The following CFAP77 variants were observed in gnomAD, a reference collection of about 807,000 sequenced individuals.
CFAP77 encodes the protein cilia- and flagella-associated protein 77.
In CFAP77, 25 loss-of-function variants were observed where a neutral mutation model predicts 31.1. The ratio of observed to expected loss-of-function variants is 0.80; its 90% CI spans 0.59 to 1.12. The LOEUF is 1.12. CFAP77 is among the 50% of genes most tolerant of loss of function. CFAP77 has a pLI of 0.00. For missense variants in CFAP77, 377 were observed against 397.3 expected (o/e 0.95, Z 0.44); for synonymous variants, 151 against 159.9 (o/e 0.94, Z 0.42).
chr9:132,487,636 G>A (rs1188043065), intron 1 of CFAP77, among the ~76,000 whole-genome samples: 1 of 150,010 alleles, frequency 6.7e-6, no homozygotes, highest in East Asian at 2.0e-4. Flanking sequence ...TTTTGAATCC[G>A]GCTGTGGTTT....
intron 1 of CFAP77, among the ~76,000 whole-genome samples, chr9:132,429,689 AC>A (rs1359598221): frequency 1.5e-5 from 2 of 136,396 alleles, no homozygotes; most frequent in Admixed American, 7.3e-5. Context: ...CTAACAAAAT[AC>A]AAAAAAAAAA....
Position 132,495,579 on chromosome 9 carries a change from G to A in CFAP77, c.196-3116G>A, listed in dbSNP as rs144178794. On this transcript the variant is annotated intron_variant, in intron 1 of 5. Transcript: ENST00000393216. This position sits in a 1 kb window ranked among gnomAD's most constrained non-coding sequence, Gnocchi z 4.2. ...AACTCAGAGCCCCATCACTCTTGAG[G>A]AACATTGGGGTCTGGGATTTGAGAT... Among the ~76,000 whole-genome samples the A allele has an allele frequency of 5.3e-3, 804 of 152,270 alleles. 14 individuals are homozygous for A. Among genetic ancestry groups the A allele is most frequent in the African/African-American group, 0.018 (760 of 41,558 alleles).
intron 5 of CFAP77, among the ~76,000 whole-genome samples, chr9:132,546,604 A>G (rs1207030187): frequency 6.6e-6 from 1 of 152,078 alleles, no homozygotes; most frequent in African/African-American, 2.4e-5. Flanking sequence ...GGCTGCCGAG[A>G]CCCCCGCGCT....
chr9:132,449,007 C>T (rs1417977214), intron 1 of CFAP77, among the ~76,000 whole-genome samples: 1 of 152,132 alleles, frequency 6.6e-6, no homozygotes, highest in African/African-American at 2.4e-5. Context: ...ATGGGAAAAG[C>T]CCAACAACTG....
In CFAP77 at chr9:132,525,105, C is replaced by T. The variant is rs1309822072; in HGVS notation, c.525-12496C>T. Among the ~76,000 whole-genome samples, 9 of 148,988 alleles carry T rather than the reference C, an allele frequency of 6.0e-5. 3 individuals are homozygous for T. The highest frequency in any genetic ancestry group is 2.7e-4 in the Admixed American group (4 of 15,046). ...CACAATCTCAGCTCACTGCAACCTC[C>T]GCTTCCCGAGTTCAAGCGGTTCTCC... On this transcript the variant is annotated intron_variant, in intron 3 of 5. Coordinates refer to ENST00000393216, the MANE Select transcript of CFAP77 (RefSeq NM_001282957.2).
intron 3 of CFAP77, among the ~76,000 whole-genome samples, chr9:132,526,454 G>A (rs1342703432): frequency 5.3e-5 from 8 of 151,858 alleles, no homozygotes; most frequent in Admixed American, 3.9e-4. Context: ...GGATGGTCTC[G>A]ATCTCCTGAC....
intron 3 of CFAP77, among the ~76,000 whole-genome samples, chr9:132,508,028 C>A (rs1851964026): frequency 6.6e-6 from 1 of 152,174 alleles, no homozygotes; most frequent in Non-Finnish European, 1.5e-5. Flanking sequence ...CAGTTTCATC[C>A]ATCGCTGCAT....
At position 132,491,868 on chromosome 9, in the gene CFAP77, T is replaced by C. The variant is rs572631682; in HGVS notation, c.196-6827T>C. The stretch of plus-strand genomic sequence containing the variant: ...ATCTATTAGCTTATGGGAAAATTGG[T>C]TTTCTTATATGTTGTTTTGCTTAAA... On this transcript the variant is annotated intron_variant, in intron 1 of 5. Coordinates refer to ENST00000393216, the MANE Select transcript of CFAP77 (RefSeq NM_001282957.2). Among the ~76,000 whole-genome samples the C allele has an allele frequency of 2.6e-5, 4 of 152,282 alleles. No homozygotes were observed. In the South Asian group the frequency reaches 8.3e-4, roughly 32 times the overall value.
At chr9:132,566,673 T>A (rs1221364613) in intron 5 of CFAP77, among the ~76,000 whole-genome samples, 2 of 152,188 alleles carry the variant, frequency 1.3e-5, no homozygotes, top group Non-Finnish European at 2.9e-5. Flanking sequence ...CCATCCCACC[T>A]GAGGTGGACA....
At chr9:132,532,520 T>A (rs1852470814) in intron 3 of CFAP77, among the ~76,000 whole-genome samples, 1 of 152,166 alleles carries the variant, frequency 6.6e-6, no homozygotes, top group Non-Finnish European at 1.5e-5. Flanking sequence ...AAGTTGTTTT[T>A]TGAATGGAAA....
intron 5 of CFAP77, among the ~76,000 whole-genome samples, chr9:132,547,805 C>A (rs376559403): frequency 6.6e-5 from 10 of 152,310 alleles, no homozygotes; most frequent in African/African-American, 2.2e-4. Flanking sequence ...CATAACCCTG[C>A]GTGGGCCGGC....
At chr9:132,432,753 G>A (rs1316908068) in intron 1 of CFAP77, among the ~76,000 whole-genome samples, 1 of 151,432 alleles carries the variant, frequency 6.6e-6, no homozygotes, top group Non-Finnish European at 1.5e-5. Flanking sequence ...TCACTCTGTC[G>A]CCTGGGCTGG....
At chr9:132,458,648 T>C (rs1850973077) in intron 1 of CFAP77, among the ~76,000 whole-genome samples, 1 of 152,212 alleles carries the variant, frequency 6.6e-6, no homozygotes. Context: ...CTGTGTCCAG[T>C]AGGGTCACTA....
chr9:132,419,464 A>T (rs991624386), intron 1 of CFAP77, among the ~76,000 whole-genome samples: 16 of 152,208 alleles, frequency 1.1e-4, no homozygotes, highest in African/African-American at 3.6e-4. Context: ...AAGATGGGGC[A>T]CCCAAAAAGG....
chr9:132,548,149 CAA>C (rs1329496211), intron 5 of CFAP77, among the ~76,000 whole-genome samples: 4 of 151,916 alleles, frequency 2.6e-5, no homozygotes, highest in Non-Finnish European at 4.4e-5. Flanking sequence ...TATTGTTGGG[CAA>C]AAGAGTCCAT....
At chr9:132,536,569 T>C (rs534495159) in intron 3 of CFAP77, among the ~76,000 whole-genome samples, 16 of 152,208 alleles carry the variant, frequency 1.1e-4, no homozygotes, top group African/African-American at 3.6e-4. Flanking sequence ...AATGTTTGTA[T>C]TTTTAGTAGA....
chr9:132,553,752 C>T (rs927356887), intron 5 of CFAP77, among the ~76,000 whole-genome samples: 2 of 152,254 alleles, frequency 1.3e-5, no homozygotes, highest in African/African-American at 4.8e-5. Flanking sequence ...CCACGGTCTC[C>T]ACCAGTCCAT....
chr9:132,539,657 G>A lies in CFAP77; in HGVS notation c.630+1951G>A, dbSNP rs1369256349. On this transcript the variant is annotated intron_variant, in intron 4 of 5. Transcript: ENST00000393216. This position sits in a 1 kb window ranked among gnomAD's most constrained non-coding sequence, Gnocchi z 4.3. ...TCAGGAGGGGCCAGGAGGGGTGCAC[G>A]AAGTGGGAGGCTGAGGATTTCCAGG... is the stretch of plus-strand genomic sequence containing the variant. Among the ~76,000 whole-genome samples, 1 of 152,178 alleles carries A rather than the reference G, an allele frequency of 6.6e-6. No homozygotes were observed. Among genetic ancestry groups the A allele is most frequent in the Non-Finnish European group, 1.5e-5 (1 of 68,026 alleles).
At chr9:132,521,722 G>T (rs1364124174) in intron 3 of CFAP77, among the ~76,000 whole-genome samples, 1 of 150,694 alleles carries the variant, frequency 6.6e-6, no homozygotes, top group Admixed American at 6.6e-5. Flanking sequence ...GGGGCAATGG[G>T]AAGCCACTGG....
Sources: allele counts gnomAD v4.1 joint callset (sites outside exome capture counted in the v4.1 genomes callset), GRCh38; gene constraint gnomAD v4.1.1; non-coding constraint Gnocchi (gnomAD v3.1); transcripts MANE v1.5; gene names NCBI Gene and HGNC (gene_info 2026-07-23, HGNC 2026-07-21).